The following CR1 variants were observed in gnomAD, a reference collection of about 807,000 sequenced individuals.
CR1 encodes the protein complement C3b/C4b receptor 1 (Knops blood group).
Under a neutral mutation model 187.3 loss-of-function variants are expected in CR1, and 116 were observed. The observed-to-expected ratio is 0.62, with a 90% CI of 0.53 to 0.72. The LOEUF is 0.72. CR1 is among the 30% of genes least tolerant of loss of function. The probability of loss-of-function intolerance (pLI) is 0.00; values close to 1 mark genes in which losing one functional copy is unlikely to be tolerated. For missense variants in CR1, 1,731 were observed against 2,110.7 expected (o/e 0.82, Z 3.52); for synonymous variants, 576 against 747.1 (o/e 0.77, Z 3.73).
intron 42 of CR1, among the ~76,000 whole-genome samples, chr1:207,618,649 T>C (rs1662218528): frequency 6.6e-6 from 1 of 152,162 alleles, no homozygotes; most frequent in African/African-American, 2.4e-5. Context: ...TATTGTAGGC[T>C]TAATTTTGAG....
intron 4 of CR1, among the ~76,000 whole-genome samples, chr1:207,518,439 G>A (rs1384107560): frequency 1.3e-5 from 2 of 152,142 alleles, no homozygotes; most frequent in Non-Finnish European, 1.5e-5. Flanking sequence ...TGTTCTCTCA[G>A]TTATGGAGAA....
In CR1 at chr1:207,619,944, A is replaced by C. The variant is rs192442770; in HGVS notation, c.7131A>C (p.Val2377=). The C allele has an allele frequency of 4.5e-4, 729 of 1,610,676 alleles. 5 individuals are homozygous for C. The highest frequency in any genetic ancestry group is 2.4e-4 in the Admixed American group (14 of 59,536). The change falls in exon 43 of 47, where the codon GTA becomes GTC. Residue 2377 remains valine, a synonymous_variant. Coordinates refer to ENST00000367049, the MANE Select transcript of CR1 (RefSeq NM_000651.6). ...GISKELEMKK[V]YHYGDYVTLK... ...CGAAGGAGTTAGAAATGAAAAAAGT[A>C]TATCACTATGGAGATTATGTGACTT...
rs568757549 is a variant in CR1, at chr1:207,601,220, T to G, written c.5811-6031T>G. Among the ~76,000 whole-genome samples the G allele has an allele frequency of 4.6e-5, 7 of 152,150 alleles. No homozygotes were observed. The East Asian group carries it at 1.3e-3, about 29-fold the overall frequency. ...TAACAATTCTATAAATATACAAGAATGAGAAAGAAGACATAAGCCTGTTGA... is the reference window on the plus strand; with the variant it reads ...TAACAATTCTATAAATATACAAGAAGGAGAAAGAAGACATAAGCCTGTTGA... On this transcript the variant is annotated intron_variant, in intron 35 of 46. Transcript: ENST00000367049.
intron 40 of CR1, among the ~76,000 whole-genome samples, chr1:207,615,779 T>C (rs903450565): frequency 2.0e-5 from 3 of 152,136 alleles, no homozygotes; most frequent in Admixed American, 6.6e-5. Context: ...CAGAGACACA[T>C]AGAGCTGAAA....
Position 207,639,443 on chromosome 1 carries a change from A to C in CR1, c.*34A>C. On this transcript the variant is annotated 3_prime_UTR_variant, in exon 47 of 47. Coordinates refer to ENST00000367049, the MANE Select transcript of CR1 (RefSeq NM_000651.6). Reference sequence around the variant, plus strand: ...TATACAGCTGAAGAACATCTCGAATACAATTTTGGTGGGAAAGGAGCCAAT... The same window carrying C: ...TATACAGCTGAAGAACATCTCGAATCCAATTTTGGTGGGAAAGGAGCCAAT... The C allele has an allele frequency of 6.3e-7, 1 of 1,585,772 alleles. No individual in the cohort carries two copies. The highest frequency in any genetic ancestry group is 8.6e-7 in the Non-Finnish European group (1 of 1,163,792).
At chr1:207,502,843 G>C (rs1659313605) in intron 1 of CR1, among the ~76,000 whole-genome samples, 1 of 152,174 alleles carries the variant, frequency 6.6e-6, no homozygotes, top group African/African-American at 2.4e-5. Context: ...CTCTGTCCGG[G>C]GTCCCGTGGG....
At chr1:207,637,761 A>T (rs12075041) in intron 46 of CR1, among the ~76,000 whole-genome samples, 35,985 of 151,930 alleles carry the variant, frequency 0.24, 6,525 homozygotes, top group African/African-American at 0.5. Flanking sequence ...CAATAGGATT[A>T]TCCATCCATG....
At chr1:207,525,258 C>G (rs1660133716) in intron 5 of CR1, among the ~76,000 whole-genome samples, 1 of 151,580 alleles carries the variant, frequency 6.6e-6, no homozygotes, top group African/African-American at 2.4e-5. Flanking sequence ...GACATAGAGC[C>G]AAATCATATC....
chr1:207,593,034 C>A (rs1661320466), intron 35 of CR1, among the ~76,000 whole-genome samples: 2 of 134,190 alleles, frequency 1.5e-5, no homozygotes, highest in Non-Finnish European at 3.0e-5. Context: ...GTAATTTATA[C>A]AGTCAATGCT....
At chr1:207,513,265 A>G (rs1038750438) in intron 4 of CR1, among the ~76,000 whole-genome samples, 2 of 152,082 alleles carry the variant, frequency 1.3e-5, no homozygotes, top group African/African-American at 4.8e-5. Flanking sequence ...AAGAACCCCC[A>G]TTGTCTCTGG....
chr1:207,632,821 AAAAAG>A (rs1662690276), intron 46 of CR1, among the ~76,000 whole-genome samples: 1 of 150,994 alleles, frequency 6.6e-6, no homozygotes, highest in African/African-American at 2.4e-5. Flanking sequence ...AAAAAAAAAA[AAAAAG>A]ATAAAATAAG....
intron 4 of CR1, among the ~76,000 whole-genome samples, chr1:207,516,179 G>A (rs572024574): frequency 8.4e-4 from 128 of 152,260 alleles, no homozygotes; most frequent in Non-Finnish European, 1.5e-3. Flanking sequence ...TTATGATGGT[G>A]CCACTGCACT....
chr1:207,614,426 G>A lies in CR1; in HGVS notation c.6598G>A (p.Ala2200Thr). 1 of 1,610,922 alleles carries A rather than the reference G, an allele frequency of 6.2e-7. No homozygotes were observed. The highest frequency in any genetic ancestry group is 8.5e-7 in the Non-Finnish European group (1 of 1,177,904). Residue 2200 changes from alanine to threonine, a missense_variant, in exon 40 of 47, where the codon GCT becomes ACT. Coordinates refer to ENST00000367049, the MANE Select transcript of CR1 (RefSeq NM_000651.6). ...TAGGTTCCGATTAAAAGGCAGGTCT[G>A]CTAGTCATTGTGTCTTGGCTGGAAT... ...DEGFRLKGRS[A>T]SHCVLAGMKA...
intron 35 of CR1, among the ~76,000 whole-genome samples, chr1:207,598,656 G>T (rs1361166153): frequency 6.6e-6 from 1 of 152,194 alleles, no homozygotes; most frequent in East Asian, 1.9e-4. Flanking sequence ...TTGACCTCGT[G>T]ATCTGCCTGC....
At chr1:207,505,811 G>C in intron 1 of CR1, 93 bp from the exon 2 acceptor site, 1 of 1,406,392 alleles carries the variant, frequency 7.1e-7, no homozygotes, top group Non-Finnish European at 9.7e-7. Context: ...ACTCCAGCCT[G>C]GGTGATGGAG....
rs746487023 is a variant in CR1, at chr1:207,609,411, G to A, written c.6018G>A (p.Gln2006=). 2 of 1,614,022 alleles carry A rather than the reference G, an allele frequency of 1.2e-6. No homozygotes were observed. The highest frequency in any genetic ancestry group is 1.7e-6 in the Non-Finnish European group (2 of 1,179,890). ...YQCHTGPDGE[Q]LFELVGERSI... ...GCCACACTGGACCAGATGGAGAACA[G>A]CTGTTTGAGCTTGTGGGAGAACGGT... The change falls in exon 37 of 47, where the codon CAG becomes CAA. Residue 2006 remains glutamine (Q), a synonymous_variant. Transcript: ENST00000367049.
Position 207,588,775 on chromosome 1 carries a change from G to C in CR1, c.5810+1G>C. The C allele has an allele frequency of 3.1e-6, 5 of 1,594,904 alleles. No individual in the cohort carries two copies. The highest frequency in any genetic ancestry group is 4.3e-6 in the Non-Finnish European group (5 of 1,165,890). ...CAGTTAATTATTCTTGTAATGAAGGGTGAGTTGAGAATACCATCTCTTGAA... is the reference window on the plus strand; with the variant it reads ...CAGTTAATTATTCTTGTAATGAAGGCTGAGTTGAGAATACCATCTCTTGAA... On this transcript the variant is annotated splice_donor_variant, in intron 35 of 46. Transcript: ENST00000367049. LOFTEE classifies it high-confidence loss of function.
rs540454945 is a variant in CR1, at chr1:207,581,201, T to C, written c.5216+588T>C. ...ATATGTGTATACATGGACACGTATATGTAGACGTATACATATGGACACGTA... is the reference window on the plus strand; with the variant it reads ...ATATGTGTATACATGGACACGTATACGTAGACGTATACATATGGACACGTA... On this transcript the variant is annotated intron_variant, in intron 31 of 46. Coordinates refer to ENST00000367049, the MANE Select transcript of CR1 (RefSeq NM_000651.6). 2.3e-4 allele frequency among the ~76,000 whole-genome samples: 34 copies of C among 150,360 alleles called. 1 individual carries two copies. In the South Asian group the frequency reaches 3.4e-3, roughly 15 times the overall value.
At chr1:207,520,112 T>C (rs1659928765) in intron 4 of CR1, among the ~76,000 whole-genome samples, 1 of 152,286 alleles carries the variant, frequency 6.6e-6, no homozygotes, top group East Asian at 1.9e-4. Context: ...TTAGAATTTT[T>C]ATGTTGCCTC....
Sources: allele counts gnomAD v4.1 joint callset (sites outside exome capture counted in the v4.1 genomes callset), GRCh38; gene constraint gnomAD v4.1.1; transcripts MANE v1.5; gene names NCBI Gene and HGNC (gene_info 2026-07-23, HGNC 2026-07-21).